The following AXDND1 variants were observed in gnomAD, a reference collection of about 807,000 sequenced individuals.
AXDND1 encodes axonemal dynein light chain domain containing 1.
AXDND1 carries 110 observed loss-of-function variants against 137.5 expected under a neutral mutation model. The observed-to-expected ratio is 0.80, with a 90% confidence interval of 0.69 to 0.94. AXDND1 has a LOEUF of 0.94. Among genes scored for constraint, AXDND1 ranks in the 40% least tolerant of loss-of-function variants. The pLI, the probability that AXDND1 is intolerant of heterozygous loss-of-function variation, is 0.00. For synonymous variants in AXDND1, 414 were observed against 399.7 expected, an observed-to-expected ratio of 1.04 and a Z score of -0.43; for missense variants, 1,191 against 1,169.8, an observed-to-expected ratio of 1.02 and a Z score of -0.26.
rs190419366 is a variant in AXDND1, at chr1:179,383,652, C to T, written c.741+108C>T. On this transcript the variant is annotated intron_variant, in intron 8 of 25. Coordinates refer to ENST00000367618, the MANE Select transcript of AXDND1 (RefSeq NM_144696.6). ...CCATATATTTACTAATGGCCTTGGA[C>T]AAGTCATTTAATGTATTTGTACCTC... 1.6e-4 allele frequency: 120 copies of T among 759,590 alleles called. No homozygotes were observed. In the African/African-American group the frequency reaches 1.8e-3, roughly 11 times the overall value. 47.1% of individuals were successfully genotyped at this position (759,590 alleles called of 1,614,324 possible). A position where few individuals can be genotyped will look rare whatever the true frequency, so the allele number is the denominator to read the frequency against.
intron 16 of AXDND1, among the ~76,000 whole-genome samples, chr1:179,463,830 T>G (rs887249576): frequency 8.5e-5 from 13 of 152,192 alleles, no homozygotes; most frequent in African/African-American, 2.9e-4. Flanking sequence ...ATATTTAGGA[T>G]AGTTAGCTCT....
intron 20 of AXDND1, among the ~76,000 whole-genome samples, chr1:179,507,180 T>C (rs1320168832): frequency 6.6e-6 from 1 of 152,216 alleles, no homozygotes; most frequent in Non-Finnish European, 1.5e-5. Context: ...ATTAAGAATA[T>C]TCATGGAAAG....
At chr1:179,526,434 T>C (rs1670535001) in intron 22 of AXDND1, among the ~76,000 whole-genome samples, 2 of 152,266 alleles carry the variant, frequency 1.3e-5, no homozygotes, top group South Asian at 4.1e-4. Context: ...CTCAAAATCA[T>C]ATAGCTGTAA....
intron 17 of AXDND1, among the ~76,000 whole-genome samples, chr1:179,472,924 C>CAACT (rs1664143317): frequency 6.6e-6 from 1 of 151,892 alleles, no homozygotes; most frequent in Admixed American, 6.6e-5. Context: ...CTATAGAGAC[C>CAACT]ATATAGTTGA....
chr1:179,449,367 C>G (rs1286546602), intron 16 of AXDND1: 1 of 256,666 alleles, frequency 3.9e-6, no homozygotes, highest in Non-Finnish European at 7.8e-6. Flanking sequence ...AGTCTTAAGC[C>G]TATTCTACTC....
At chr1:179,534,305 T>C (rs2209924) in intron 24 of AXDND1, among the ~76,000 whole-genome samples, 7,015 of 152,260 alleles carry the variant, frequency 0.046, 246 homozygotes, top group Non-Finnish European at 0.07. Context: ...CGTGCTGTAG[T>C]AGCTAAGAAG....
intron 9 of AXDND1, among the ~76,000 whole-genome samples, chr1:179,392,880 C>T (rs1381798814): frequency 6.6e-6 from 1 of 151,536 alleles, no homozygotes; most frequent in Non-Finnish European, 1.5e-5. Flanking sequence ...AGTCCTTTGC[C>T]AGGTGCATAG....
intron 12 of AXDND1, among the ~76,000 whole-genome samples, chr1:179,416,308 A>G (rs1055612752): frequency 1.3e-5 from 2 of 152,182 alleles, no homozygotes; most frequent in African/African-American, 2.4e-5. Context: ...CATTGGGTTT[A>G]TATACTGTGT....
chr1:179,468,292 G>C, intron 16 of AXDND1, 151 bp from the exon 17 acceptor site: 1 of 555,270 alleles, frequency 1.8e-6, no homozygotes, highest in South Asian at 2.5e-5. Context: ...TTTAGGAACT[G>C]CTTTTTGTAA....
intron 20 of AXDND1, among the ~76,000 whole-genome samples, chr1:179,503,491 A>G (rs913868515): frequency 4.0e-5 from 6 of 151,780 alleles, no homozygotes; most frequent in African/African-American, 1.2e-4. Context: ...GAAATGCTAA[A>G]AATTTTGCCT....
chr1:179,448,452 T>C, intron 16 of AXDND1: 1 of 508,194 alleles, frequency 2.0e-6, no homozygotes, highest in East Asian at 4.3e-5. Flanking sequence ...TTCAGCCACC[T>C]TTCCTTATTT....
intron 12 of AXDND1, among the ~76,000 whole-genome samples, chr1:179,423,213 T>A (rs1295495682): frequency 4.6e-5 from 7 of 151,468 alleles, no homozygotes; most frequent in African/African-American, 1.5e-4. Context: ...TTTTTTACAG[T>A]CTTTGATTTG....
At chr1:179,494,877 T>C (rs960130438) in intron 20 of AXDND1, among the ~76,000 whole-genome samples, 4 of 152,232 alleles carry the variant, frequency 2.6e-5, no homozygotes, top group African/African-American at 7.2e-5. Context: ...GAGTTAACTT[T>C]TAAAAATATG....
intron 5 of AXDND1, 25 bp from the exon 6 acceptor site, chr1:179,379,372 T>C: frequency 6.2e-7 from 1 of 1,602,378 alleles, no homozygotes; most frequent in Non-Finnish European, 8.5e-7. Flanking sequence ...TTCATTCTTT[T>C]ATTTTGCTTT....
chr1:179,403,347 A>G (rs751468738), intron 11 of AXDND1, among the ~76,000 whole-genome samples: 4 of 152,220 alleles, frequency 2.6e-5, no homozygotes, highest in Admixed American at 6.5e-5. Flanking sequence ...TCTACAGTAC[A>G]TATCAAGCAT....
chr1:179,388,947 T>TA (rs2125116134), intron 9 of AXDND1, among the ~76,000 whole-genome samples: 1 of 151,160 alleles, frequency 6.6e-6, no homozygotes, highest in South Asian at 2.1e-4. Flanking sequence ...TCAAATATAA[T>TA]AATTTTATTG....
chr1:179,371,983 A>G (rs1387921514), intron 4 of AXDND1, among the ~76,000 whole-genome samples: 1 of 152,200 alleles, frequency 6.6e-6, no homozygotes, highest in Non-Finnish European at 1.5e-5. Flanking sequence ...AGTCCTGCCA[A>G]TGCCTTGATT....
At chr1:179,380,594 C>T (rs1558094151) in intron 6 of AXDND1, among the ~76,000 whole-genome samples, 1 of 152,116 alleles carries the variant, frequency 6.6e-6, no homozygotes, top group Non-Finnish European at 1.5e-5. Flanking sequence ...TCTGAAACAA[C>T]ACTTGAATGT....
rs201491858 is a variant in AXDND1, at chr1:179,524,849, C to T, written c.2497-485C>T. Among the ~76,000 whole-genome samples the T allele has an allele frequency of 3.9e-5, 6 of 152,184 alleles. No homozygotes were observed. In the East Asian group the frequency reaches 9.6e-4, roughly 24 times the overall value. On this transcript the variant is annotated intron_variant, in intron 21 of 25. Transcript: ENST00000367618. ...AAGCAAATCAACCAATTTATTAGAGCCTCATTGCCTTCAGGATAAGAGCCA... is the reference window on the plus strand; with the variant it reads ...AAGCAAATCAACCAATTTATTAGAGTCTCATTGCCTTCAGGATAAGAGCCA...
Sources: allele counts gnomAD v4.1 joint callset (sites outside exome capture counted in the v4.1 genomes callset), GRCh38; gene constraint gnomAD v4.1.1; transcripts MANE v1.5; gene names NCBI Gene and HGNC (gene_info 2026-07-23, HGNC 2026-07-21).